The following RUNX2 variants were observed in gnomAD, a reference collection of about 807,000 sequenced individuals.
The protein encoded by RUNX2 is runt-related transcription factor 2.
Under a neutral mutation model 51.7 loss-of-function variants are expected in RUNX2, and 10 were observed. The ratio of observed to expected loss-of-function variants is 0.19; its 90% CI spans 0.12 to 0.33. RUNX2 has a LOEUF of 0.33. Among genes scored for constraint, RUNX2 ranks in the 10% least tolerant of loss-of-function variants. RUNX2 has a pLI of 1.00. For missense variants in RUNX2, 562 were observed against 691.3 expected (o/e 0.81, Z 2.10); for synonymous variants, 276 against 273.6 (o/e 1.01, Z -0.09).
At chr6:45,506,856 C>T (rs540651945) in intron 6 of RUNX2, among the ~76,000 whole-genome samples, 23 of 152,170 alleles carry the variant, frequency 1.5e-4, no homozygotes, top group Admixed American at 2.6e-4. Context: ...CTACAAAAGC[C>T]TGTTACCCAG....
intron 6 of RUNX2, among the ~76,000 whole-genome samples, chr6:45,503,452 G>A (rs532180595): frequency 6.6e-6 from 1 of 152,174 alleles, no homozygotes; most frequent in African/African-American, 2.4e-5. Flanking sequence ...GTAATACCCC[G>A]ACTGCCCATA....
intron 4 of RUNX2, among the ~76,000 whole-genome samples, chr6:45,436,299 TA>T (rs557280437): frequency 5.1e-4 from 76 of 148,762 alleles, no homozygotes; most frequent in African/African-American, 1.6e-3. Context: ...ACAGAATATT[TA>T]AAAAAAAAAG....
chr6:45,484,283 G>T (rs1032019400), intron 5 of RUNX2, among the ~76,000 whole-genome samples: 2 of 152,090 alleles, frequency 1.3e-5, no homozygotes, highest in African/African-American at 2.4e-5. Flanking sequence ...ACAAAGATAT[G>T]CCTAAGCTGG....
At chr6:45,424,375 C>T (rs1191580298) in intron 3 of RUNX2, among the ~76,000 whole-genome samples, 1 of 152,202 alleles carries the variant, frequency 6.6e-6, no homozygotes, top group African/African-American at 2.4e-5. Flanking sequence ...GGACTGTCCA[C>T]ACTCGCAAGA....
At chr6:45,391,260 C>A (rs377654275) in intron 2 of RUNX2, among the ~76,000 whole-genome samples, 1 of 152,076 alleles carries the variant, frequency 6.6e-6, no homozygotes, top group Non-Finnish European at 1.5e-5. Context: ...TGGCACCATC[C>A]CCTTGGTAAA....
At chr6:45,504,796 C>T (rs983837908) in intron 6 of RUNX2, among the ~76,000 whole-genome samples, 1 of 152,142 alleles carries the variant, frequency 6.6e-6, no homozygotes, top group Admixed American at 6.5e-5. Context: ...AGGCATAGTT[C>T]TAAGCCAGTA....
At chr6:45,341,698 CAGAT>C (rs1789814637) in intron 2 of RUNX2, among the ~76,000 whole-genome samples, 1 of 152,058 alleles carries the variant, frequency 6.6e-6, no homozygotes, top group African/African-American at 2.4e-5. Context: ...TACGGAATAA[CAGAT>C]AGTTAAAAGT....
intron 5 of RUNX2, among the ~76,000 whole-genome samples, chr6:45,452,023 A>G (rs1799188282): frequency 6.6e-6 from 1 of 152,258 alleles, no homozygotes; most frequent in Admixed American, 6.5e-5. Context: ...CATATGATCA[A>G]AAAATTGTTA....
intron 5 of RUNX2, among the ~76,000 whole-genome samples, chr6:45,440,644 G>A (rs77872882): frequency 6.4e-4 from 76 of 119,584 alleles, no homozygotes; most frequent in African/African-American, 1.9e-3. Flanking sequence ...GAAGTGTTTC[G>A]GATTTCAATT....
At chr6:45,386,330 G>A (rs1218194641) in intron 2 of RUNX2, among the ~76,000 whole-genome samples, 3 of 152,178 alleles carry the variant, frequency 2.0e-5, no homozygotes, top group East Asian at 1.9e-4. Context: ...GCCTCCCAAA[G>A]TGCTGGGATT....
intron 5 of RUNX2, 33 bp downstream of exon 5, chr6:45,438,084 T>TA: frequency 7.4e-7 from 1 of 1,348,308 alleles, no homozygotes; most frequent in Non-Finnish European, 1.1e-6. Context: ...AAGAAAGTAA[T>TA]AGAGTTTCCA....
intron 2 of RUNX2, among the ~76,000 whole-genome samples, chr6:45,349,764 T>C (rs992193322): frequency 6.6e-6 from 1 of 152,226 alleles, no homozygotes; most frequent in African/African-American, 2.4e-5. Context: ...AGGTCATCTG[T>C]CAGAATATAA....
Position 45,547,611 on chromosome 6 carries a change from TATC to T in RUNX2, c.*311_*313del, listed in dbSNP as rs1252939747. 2.5e-6 allele frequency: 1 copy of T among 406,518 alleles called. No individual in the cohort carries two copies. Among genetic ancestry groups the T allele is most frequent in the Non-Finnish European group, 4.6e-6 (1 of 216,730 alleles). 25.2% of individuals were successfully genotyped at this position (406,518 alleles called of 1,614,324 possible). On this transcript the variant is annotated 3_prime_UTR_variant, in exon 9 of 9. Coordinates refer to ENST00000647337, the MANE Select transcript of RUNX2 (RefSeq NM_001024630.4). ...TTTTTGTTTTTGTTGTTTGGTCTGT[TATC>T]ATCAATAACCTGTTCATATGCCAAT...
At chr6:45,339,879 G>A (rs866355545) in intron 2 of RUNX2, among the ~76,000 whole-genome samples, 16 of 152,120 alleles carry the variant, frequency 1.1e-4, no homozygotes, top group East Asian at 1.9e-4. Context: ...ATTGTCGAGC[G>A]TTTACTGTAC....
intron 2 of RUNX2, among the ~76,000 whole-genome samples, chr6:45,338,710 G>A (rs1789138644): frequency 6.6e-6 from 1 of 151,986 alleles, no homozygotes; most frequent in African/African-American, 2.4e-5. Flanking sequence ...ATTTCGTTTT[G>A]TCATCAATTT....
intron 7 of RUNX2, among the ~76,000 whole-genome samples, chr6:45,536,046 C>A (rs918828172): frequency 6.6e-6 from 1 of 151,746 alleles, no homozygotes; most frequent in Non-Finnish European, 1.5e-5. Context: ...AACAGGTAGG[C>A]AAACATGAAC....
chr6:45,453,117 C>G lies in RUNX2; in HGVS notation c.685+15066C>G, dbSNP rs144033773. ...ATTTGGGTCTCCCCCACCCCTCCCC[C>G]CAAGATGATTTATTTTCAAACCTCT... On this transcript the variant is annotated intron_variant, in intron 5 of 8. Coordinates refer to ENST00000647337, the MANE Select transcript of RUNX2 (RefSeq NM_001024630.4). Among the ~76,000 whole-genome samples, 62 of 152,224 alleles carry G rather than the reference C, an allele frequency of 4.1e-4. No homozygotes were observed. The East Asian group carries it at 4.4e-3, about 11-fold the overall frequency.
In RUNX2 at chr6:45,462,311, G is replaced by A. The variant is rs7755516; in HGVS notation, c.685+24260G>A. On this transcript the variant is annotated intron_variant, in intron 5 of 8. Transcript: ENST00000647337. ...AAGGGGGCGGCATTGGTACTCCACC[G>A]TTTACTCAACATTAAGCTGATGGGG... 6.3e-3 allele frequency among the ~76,000 whole-genome samples: 962 copies of A among 152,244 alleles called. 8 individuals carry two copies. Among genetic ancestry groups the A allele is most frequent in the African/African-American group, 0.022 (900 of 41,534 alleles).
At chr6:45,403,422 CG>C (rs1230325339) in intron 2 of RUNX2, among the ~76,000 whole-genome samples, 1 of 151,554 alleles carries the variant, frequency 6.6e-6, no homozygotes, top group African/African-American at 2.4e-5. Flanking sequence ...TAGTAGAGAC[CG>C]GGTTTCTCCA....
Sources: allele counts gnomAD v4.1 joint callset (sites outside exome capture counted in the v4.1 genomes callset), GRCh38; gene constraint gnomAD v4.1.1; transcripts MANE v1.5; gene names NCBI Gene and HGNC (gene_info 2026-07-23, HGNC 2026-07-21).